Variants in USP34 observed in about 807,000 individuals in gnomAD.
The protein encoded by USP34 is ubiquitin specific peptidase 34.
USP34 carries 70 observed loss-of-function variants against 460.3 expected under a neutral mutation model. That is an observed-to-expected ratio of 0.15 (90% CI 0.13 to 0.19). The LOEUF (loss-of-function observed/expected upper bound fraction) is 0.19, where lower values mean the gene tolerates loss of function less well. Ranked by LOEUF, USP34 falls within the 10% of genes least tolerant of loss-of-function variation. The probability of loss-of-function intolerance (pLI) is 1.00; values close to 1 mark genes in which losing one functional copy is unlikely to be tolerated. For missense variants in USP34, 3,985 were observed against 4,236.2 expected, an observed-to-expected ratio of 0.94 and a Z score of 1.65; for synonymous variants, 1,647 against 1,405.3, an observed-to-expected ratio of 1.17 and a Z score of -3.85.
intron 53 of USP34, among the ~76,000 whole-genome samples, chr2:61,237,001 C>T (rs769133004): frequency 5.3e-5 from 8 of 151,996 alleles, no homozygotes; most frequent in Non-Finnish European, 1.0e-4. Flanking sequence ...TTTGGTTGGT[C>T]GGTTCATTTT....
rs1359470761 is a variant in USP34, at chr2:61,211,826, A to G, written c.8786T>C (p.Ile2929Thr). ...ATCTAAGCAACGTAAGTAACAACTT[A>G]TGGTTGTTTTCTTGAACTGTTTAAT... Reference protein sequence around the residue: ...EDIKQFKKTTISCYLRCLDGR... With the variant: ...EDIKQFKKTTTSCYLRCLDGR... The change falls in exon 69 of 80, where the codon ATA (isoleucine) becomes ACA (threonine). Residue 2929 changes from isoleucine (I) to threonine (T), a missense_variant. By Grantham distance (89) the Ile-to-Thr change is moderately conservative. Transcript: ENST00000398571. The G allele has an allele frequency of 2.1e-5, 34 of 1,607,438 alleles. No homozygotes were observed. The highest frequency in any genetic ancestry group is 2.8e-5 in the Non-Finnish European group (33 of 1,178,012).
intron 35 of USP34, 128 bp from the exon 36 acceptor site, chr2:61,283,577 G>A (rs1370230704): frequency 8.0e-5 from 12 of 150,556 alleles, no homozygotes; most frequent in Non-Finnish European, 1.1e-4. Context: ...GGGTGTGTGA[G>A]TGAGAGTGAG....
chr2:61,362,725 G>A (rs899714910), intron 10 of USP34, among the ~76,000 whole-genome samples: 3 of 152,136 alleles, frequency 2.0e-5, no homozygotes, highest in Non-Finnish European at 2.9e-5. Context: ...ACAGCAATGT[G>A]ACTACAGTTA....
chr2:61,300,809 A>G (rs1184112164), intron 29 of USP34, 142 bp downstream of exon 29: 43 of 443,524 alleles, frequency 9.7e-5, no homozygotes, highest in Non-Finnish European at 1.5e-4. Flanking sequence ...AAAAGAAAAC[A>G]AAAAAAAAAT....
In USP34 at chr2:61,399,874, C is replaced by CAAAAAAAAAAAAAAAAAAAAAA. The variant is rs529141667; in HGVS notation, c.553-4642_553-4641insTTTTTTTTTTTTTTTTTTTTTT. Among the ~76,000 whole-genome samples, 10 of 69,982 alleles carry CAAAAAAAAAAAAAAAAAAAAAA rather than the reference C, an allele frequency of 1.4e-4. 1 individual carries two copies. The highest frequency in any genetic ancestry group is 2.1e-4 in the Non-Finnish European group (8 of 38,812). The allele number at this position is 69,982 out of a possible 152,430, so 45.9% of individuals were successfully genotyped here. A position where few individuals can be genotyped will look rare whatever the true frequency, so the allele number is the denominator to read the frequency against. ...GGCAACAGTGCGAGACACTGTCTCC[C>CAAAAAAAAAAAAAAAAAAAAAA]AAAAAAAAAAAAAAAAAGCTGTATT... On this transcript the variant is annotated intron_variant, in intron 3 of 79. Coordinates refer to ENST00000398571, the MANE Select transcript of USP34 (RefSeq NM_014709.4).
intron 20 of USP34, among the ~76,000 whole-genome samples, chr2:61,326,600 A>C (rs935049610): frequency 3.9e-5 from 6 of 152,048 alleles, no homozygotes; most frequent in Non-Finnish European, 8.8e-5. Flanking sequence ...CTATAATATC[A>C]CATTCTAGTT....
rs906732973 is a variant in USP34, at chr2:61,301,618, T to C, written c.3818-164A>G. Among the ~76,000 whole-genome samples, 6 of 152,344 alleles carry C rather than the reference T, an allele frequency of 3.9e-5. No individual in the cohort carries two copies. In the South Asian group the frequency reaches 1.2e-3, roughly 32 times the overall value. On this transcript the variant is annotated intron_variant, in intron 27 of 79. Transcript: ENST00000398571. Reference sequence around the variant, plus strand: ...AGATTGAGGATAGTTATTTCTAGAATGCATTAAGTCCTTTTAGCTGCCTAC... The same window carrying C: ...AGATTGAGGATAGTTATTTCTAGAACGCATTAAGTCCTTTTAGCTGCCTAC...
At chr2:61,420,918 A>G in intron 1 of USP34, 85 bp from the exon 2 acceptor site, 1 of 871,398 alleles carries the variant, frequency 1.1e-6, no homozygotes, top group East Asian at 2.8e-5. Flanking sequence ...CAAGAGCTAC[A>G]AATGCAAACA....
chr2:61,427,151 C>A (rs1040146437), intron 1 of USP34, among the ~76,000 whole-genome samples: 1 of 152,204 alleles, frequency 6.6e-6, no homozygotes, highest in South Asian at 2.1e-4. Context: ...CCTCAGCCTC[C>A]CGAGTAGCTG....
At chr2:61,198,919 A>C (rs544512370) in intron 75 of USP34, among the ~76,000 whole-genome samples, 89 of 152,256 alleles carry the variant, frequency 5.8e-4, no homozygotes, top group Admixed American at 1.8e-3. Flanking sequence ...GTGGTTACCA[A>C]ACACTTTTTT....
chr2:61,280,368 C>G lies in USP34; in HGVS notation c.5152-20G>C. On this transcript the variant is annotated intron_variant, in intron 38 of 79. Coordinates refer to ENST00000398571, the MANE Select transcript of USP34 (RefSeq NM_014709.4). ...ATCTATCTATTAAAAAAATTTTATA[C>G]TTTGTGAAAACATTTTAAAAATAAA... 8.0e-7 allele frequency: 1 copy of G among 1,250,266 alleles called. No individual in the cohort carries two copies. The highest frequency in any genetic ancestry group is 1.1e-6 in the Non-Finnish European group (1 of 925,184). 77.4% of individuals were successfully genotyped at this position (1,250,266 alleles called of 1,614,324 possible).
intron 1 of USP34, among the ~76,000 whole-genome samples, chr2:61,424,750 T>C (rs1004925547): frequency 3.3e-5 from 5 of 152,178 alleles, no homozygotes; most frequent in Non-Finnish European, 7.3e-5. Context: ...TTATGTTCTA[T>C]ATTTTTTTTT....
intron 71 of USP34, 146 bp from the exon 72 acceptor site, chr2:61,206,270 AG>A: frequency 1.5e-6 from 1 of 654,894 alleles, no homozygotes; most frequent in South Asian, 1.9e-5. Flanking sequence ...CATTTTCATG[AG>A]ATGATTACTA....
intron 27 of USP34, among the ~76,000 whole-genome samples, chr2:61,310,045 AC>A (rs1401355811): frequency 6.6e-6 from 1 of 152,212 alleles, no homozygotes; most frequent in Non-Finnish European, 1.5e-5. Context: ...CACTAAAAAA[AC>A]AAATTCAAAA....
At chr2:61,248,781 G>C in intron 48 of USP34, 98 bp from the exon 49 acceptor site, 2 of 1,167,668 alleles carry the variant, frequency 1.7e-6, no homozygotes, top group Non-Finnish European at 1.2e-6. Context: ...TTTCAACTCA[G>C]AGTTAAGAAG....
chr2:61,189,175 C>T, intron 78 of USP34, 106 bp from the exon 79 acceptor site: 1 of 1,196,510 alleles, frequency 8.4e-7, no homozygotes, highest in Admixed American at 2.8e-5. Context: ...CCATTCTTTC[C>T]TAAGAATACC....
intron 14 of USP34, 55 bp downstream of exon 14, chr2:61,348,701 A>G: frequency 1.3e-6 from 2 of 1,570,008 alleles, no homozygotes; most frequent in Non-Finnish European, 1.7e-6. Context: ...TTCAAATGAT[A>G]AACACGCCAG....
At chr2:61,325,847 T>C (rs1193458890) in intron 20 of USP34, among the ~76,000 whole-genome samples, 1 of 152,316 alleles carries the variant, frequency 6.6e-6, no homozygotes, top group Middle Eastern at 3.4e-3. Context: ...AGTGATAATA[T>C]ATTCTGTACC....
chr2:61,311,400 C>A (rs1690587015), intron 27 of USP34, 140 bp downstream of exon 27: 2 of 921,238 alleles, frequency 2.2e-6, no homozygotes, highest in Admixed American at 3.7e-5. Flanking sequence ...ACAAGACAAA[C>A]CAAGACAGTT....
Sources: allele counts gnomAD v4.1 joint callset (sites outside exome capture counted in the v4.1 genomes callset), GRCh38; gene constraint gnomAD v4.1.1; transcripts MANE v1.5; gene names NCBI Gene and HGNC (gene_info 2026-07-23, HGNC 2026-07-21).